ZC3H6: variants seen among roughly 807,000 people sequenced by gnomAD.
The protein encoded by ZC3H6 is zinc finger CCCH-type containing 6, also known as zinc finger CCCH domain-containing protein 6.
ZC3H6 carries 40 observed loss-of-function variants against 107.7 expected under a neutral mutation model. The ratio of observed to expected loss-of-function variants is 0.37; its 90% CI spans 0.29 to 0.48. The LOEUF is 0.48. ZC3H6 is among the 20% of genes least tolerant of loss of function. The probability of loss-of-function intolerance (pLI) is 0.98; values close to 1 mark genes in which losing one functional copy is unlikely to be tolerated. For missense variants in ZC3H6, 1,267 were observed against 1,410.4 expected (o/e 0.90, Z 1.63); for synonymous variants, 493 against 487.9 (o/e 1.01, Z -0.14).
At chr2:112,317,147 T>G in intron 6 of ZC3H6, 74 bp from the exon 7 acceptor site, 1 of 784,816 alleles carries the variant, frequency 1.3e-6, no homozygotes, top group Non-Finnish European at 1.9e-6. Context: ...TGTAGAAAAT[T>G]CAGCTGTTGT....
intron 1 of ZC3H6, among the ~76,000 whole-genome samples, chr2:112,288,516 C>A (rs10208683): frequency 6.6e-6 from 1 of 151,932 alleles, no homozygotes; most frequent in African/African-American, 2.4e-5. Flanking sequence ...ATTTTGTAGA[C>A]AAGGAAACTG....
At chr2:112,287,095 T>TA (rs779845393) in intron 1 of ZC3H6, among the ~76,000 whole-genome samples, 5 of 152,088 alleles carry the variant, frequency 3.3e-5, no homozygotes, top group Non-Finnish European at 7.4e-5. Flanking sequence ...AACTGCTATA[T>TA]GAAAATATTG....
At chr2:112,314,181 T>C (rs1356087708) in intron 5 of ZC3H6, among the ~76,000 whole-genome samples, 1 of 115,566 alleles carries the variant, frequency 8.7e-6, no homozygotes, top group Non-Finnish European at 1.7e-5. Context: ...TCCCTCTTTC[T>C]CTCCTTCATT....
At position 112,338,222 on chromosome 2, in the gene ZC3H6, T is replaced by C. The variant is rs1677167678; in HGVS notation, c.*5734T>C. ...GCCTCAGCCTCCCAAAGTGCTGGGATTACAGGCGTGAGCCACTGTGCCTGG... is the reference window on the plus strand; with the variant it reads ...GCCTCAGCCTCCCAAAGTGCTGGGACTACAGGCGTGAGCCACTGTGCCTGG... On this transcript the variant is annotated 3_prime_UTR_variant, in exon 12 of 12. Coordinates refer to ENST00000409871, the MANE Select transcript of ZC3H6 (RefSeq NM_198581.3). The C allele has an allele frequency of 6.6e-6, 1 of 152,294 alleles. No homozygotes were observed. Among genetic ancestry groups the C allele is most frequent in the South Asian group, 2.1e-4 (1 of 4,832 alleles). 9.4% of individuals were successfully genotyped at this position (152,294 alleles called of 1,614,324 possible).
chr2:112,324,005 G>A (rs1160989633), intron 9 of ZC3H6, 147 bp from the exon 10 acceptor site: 74 of 802,744 alleles, frequency 9.2e-5, no homozygotes, highest in Non-Finnish European at 1.2e-4. Context: ...TCTACCTATC[G>A]ACGCTATGGA....
At chr2:112,315,056 CTCTA>C (rs770570440) in intron 5 of ZC3H6, among the ~76,000 whole-genome samples, 11 of 152,122 alleles carry the variant, frequency 7.2e-5, no homozygotes, top group Admixed American at 3.3e-4. Flanking sequence ...GAACTTTATG[CTCTA>C]TCTTTTAGCA....
intron 9 of ZC3H6, 31 bp downstream of exon 9, chr2:112,322,933 A>G: frequency 6.4e-7 from 1 of 1,550,748 alleles, no homozygotes; most frequent in Non-Finnish European, 8.7e-7. Flanking sequence ...ATGACATCAA[A>G]TATTTTTTTC....
intron 8 of ZC3H6, 100 bp downstream of exon 8, chr2:112,321,965 A>G (rs895439682): frequency 1.2e-4 from 62 of 525,232 alleles, no homozygotes; most frequent in Non-Finnish European, 1.8e-4. Context: ...TGAGAAATTG[A>G]AAGTTTACTA....
chr2:112,276,139 C>G, intron 1 of ZC3H6, 113 bp downstream of exon 1: 1 of 910,890 alleles, frequency 1.1e-6, no homozygotes, highest in Non-Finnish European at 1.6e-6. Flanking sequence ...CTGTGTGGCT[C>G]CGTCAGTTCC....
chr2:112,297,787 G>T (rs1268194505), intron 1 of ZC3H6, among the ~76,000 whole-genome samples: 1 of 145,094 alleles, frequency 6.9e-6, no homozygotes, highest in Non-Finnish European at 1.5e-5. Context: ...TTGGTTTTTT[G>T]TTTGTTTGTT....
At chr2:112,296,874 A>G (rs138973268) in intron 1 of ZC3H6, among the ~76,000 whole-genome samples, 3 of 152,376 alleles carry the variant, frequency 2.0e-5, no homozygotes, top group African/African-American at 7.2e-5. Flanking sequence ...GAGTGCAATG[A>G]TAAGAGAAAT....
At position 112,331,508 on chromosome 2, in the gene ZC3H6, A is replaced by G. The variant is rs777500683; in HGVS notation, c.2590A>G (p.Met864Val). ...ATTGAGACAGTTCAGTCACATTAAA[A>G]TGGACATTACTCTAACCAAACCCAA... is the stretch of plus-strand genomic sequence containing the variant. ...SQLRQFSHIK[M>V]DITLTKPNFA... Residue 864 changes from methionine (M) to valine (V), a missense_variant, in exon 12 of 12, where the codon ATG becomes GTG. Met to Val is a conservative substitution (Grantham distance 21). Around this residue, in one of 3 missense-constraint regions of ZC3H6, gnomAD observed 925 missense variants for 1,025.7 expected, o/e 0.90. Transcript: ENST00000409871. The G allele has an allele frequency of 3.0e-5, 49 of 1,613,904 alleles. No homozygotes were observed. Among genetic ancestry groups the G allele is most frequent in the Non-Finnish European group, 4.2e-5 (49 of 1,179,900 alleles).
At chr2:112,301,568 A>C (rs996687072) in intron 2 of ZC3H6, among the ~76,000 whole-genome samples, 3 of 152,194 alleles carry the variant, frequency 2.0e-5, no homozygotes, top group Non-Finnish European at 4.4e-5. Flanking sequence ...CTATGGTCAC[A>C]TTCCATAGTT....
At chr2:112,314,295 T>C (rs144030349) in intron 5 of ZC3H6, among the ~76,000 whole-genome samples, 54 of 152,268 alleles carry the variant, frequency 3.5e-4, no homozygotes, top group African/African-American at 1.3e-3. Flanking sequence ...ACTCACCATA[T>C]CTTCTGGGCA....
chr2:112,286,756 T>G (rs545187412), intron 1 of ZC3H6, among the ~76,000 whole-genome samples: 1 of 152,278 alleles, frequency 6.6e-6, no homozygotes. Flanking sequence ...TTATACTGTT[T>G]AGATATGATG....
At chr2:112,317,383 A>C in intron 7 of ZC3H6, 51 bp downstream of exon 7, 7 of 1,042,678 alleles carry the variant, frequency 6.7e-6, no homozygotes, top group Non-Finnish European at 9.6e-6. Flanking sequence ...GTTTTAAAGC[A>C]TCATTGAGGT....
chr2:112,301,679 C>T (rs1676381579), intron 2 of ZC3H6, among the ~76,000 whole-genome samples: 1 of 151,236 alleles, frequency 6.6e-6, no homozygotes, highest in South Asian at 2.1e-4. Context: ...TTTAAAATGA[C>T]AAAAAATTAA....
Position 112,332,411 on chromosome 2 carries a change from C to A in ZC3H6, c.3493C>A (p.Pro1165Thr), listed in dbSNP as rs1407695527. 6.2e-7 allele frequency: 1 copy of A among 1,613,260 alleles called. No homozygotes were observed. Among genetic ancestry groups the A allele is most frequent in the Non-Finnish European group, 8.5e-7 (1 of 1,179,862 alleles). The change falls in exon 12 of 12, where the codon CCC becomes ACC. Residue 1165 changes from proline (P) to threonine (T), a missense_variant. Transcript: ENST00000409871. ...GQGSPTPDND[P>T]GRETDDKSLK... ...GGGGAGCCCGACCCCAGATAATGATCCCGGTAGAGAAACAGATGACAAATC... is the reference window on the plus strand; with the variant it reads ...GGGGAGCCCGACCCCAGATAATGATACCGGTAGAGAAACAGATGACAAATC...
intron 1 of ZC3H6, among the ~76,000 whole-genome samples, chr2:112,294,678 A>G (rs892050596): frequency 6.6e-6 from 1 of 152,238 alleles, no homozygotes; most frequent in Non-Finnish European, 1.5e-5. Flanking sequence ...GGTAAGACTG[A>G]ATAGTTGAGG....
Sources: allele counts gnomAD v4.1 joint callset (sites outside exome capture counted in the v4.1 genomes callset), GRCh38; gene constraint gnomAD v4.1.1; regional missense constraint gnomAD v4.1.1; transcripts MANE v1.5; gene names NCBI Gene and HGNC (gene_info 2026-07-23, HGNC 2026-07-21).